RPGRIP1L: variants seen among roughly 807,000 people sequenced by gnomAD.
The protein encoded by RPGRIP1L is protein fantom.
In RPGRIP1L, 131 loss-of-function variants were observed where a neutral mutation model predicts 160.4. That is an observed-to-expected ratio of 0.82 (90% CI 0.71 to 0.94). The LOEUF is 0.94. Ranked by LOEUF, RPGRIP1L falls within the 40% of genes least tolerant of loss-of-function variation. RPGRIP1L has a pLI of 0.00. For missense variants in RPGRIP1L, 1,522 were observed against 1,535.8 expected, an observed-to-expected ratio of 0.99 and a Z score of 0.15; for synonymous variants, 510 against 515.8, an observed-to-expected ratio of 0.99 and a Z score of 0.15.
At chr16:53,602,723 G>A (rs1317570232) in intron 26 of RPGRIP1L, among the ~76,000 whole-genome samples, 7 of 150,690 alleles carry the variant, frequency 4.6e-5, no homozygotes, top group African/African-American at 7.4e-5. Flanking sequence ...GCGGTGAGCC[G>A]AGATCATGCC....
Position 53,610,956 on chromosome 16 carries a change from C to A in RPGRIP1L, c.3701+11G>T. ...GTAAACCATTAGATTATTTGGACTG[C>A]CAAAACATACCTTCTATTAGGCATC... On this transcript the variant is annotated intron_variant, in intron 25 of 26. Coordinates refer to ENST00000647211, the MANE Select transcript of RPGRIP1L (RefSeq NM_015272.5). The A allele has an allele frequency of 6.3e-7, 1 of 1,586,180 alleles. No homozygotes were observed. The highest frequency in any genetic ancestry group is 8.7e-7 in the Non-Finnish European group (1 of 1,154,638).
chr16:53,663,549 T>C (rs1967988117), intron 10 of RPGRIP1L, among the ~76,000 whole-genome samples: 1 of 152,084 alleles, frequency 6.6e-6, no homozygotes. Flanking sequence ...AACAATAATT[T>C]ATTGAGCAAT....
At chr16:53,661,770 C>A (rs563734176) in intron 10 of RPGRIP1L, among the ~76,000 whole-genome samples, 1 of 152,234 alleles carries the variant, frequency 6.6e-6, no homozygotes, top group East Asian at 1.9e-4. Flanking sequence ...ATGTTTCCAG[C>A]CTTTCCTAAC....
intron 16 of RPGRIP1L, among the ~76,000 whole-genome samples, chr16:53,646,411 T>C (rs544358683): frequency 6.6e-6 from 1 of 152,174 alleles, no homozygotes; most frequent in Admixed American, 6.5e-5. Context: ...TTGGCCCTCA[T>C]CCTGAAACTG....
intron 6 of RPGRIP1L, among the ~76,000 whole-genome samples, chr16:53,685,406 G>A (rs902638966): frequency 3.9e-5 from 6 of 152,230 alleles, no homozygotes; most frequent in East Asian, 1.9e-4. Flanking sequence ...ACATGCACAC[G>A]TATGTTCATT....
Position 53,636,441 on chromosome 16 carries a change from G to C in RPGRIP1L, c.3292C>G (p.Gln1098Glu), listed in dbSNP as rs1598287763. The C allele has an allele frequency of 6.2e-7, 1 of 1,606,310 alleles. No homozygotes were observed. Among genetic ancestry groups the C allele is most frequent in the African/African-American group, 1.3e-5 (1 of 74,728 alleles). The change falls in exon 22 of 27, where the codon CAG becomes GAG. Residue 1098 changes from glutamine (Q) to glutamate (E), a missense_variant and splice_region_variant. By Grantham distance (29) the Gln-to-Glu change is conservative. Transcript: ENST00000647211. ...IPGPISKNIK[Q>E]SLALSPGLGC... ...CTAGTTGGCATCAAGTTACTGACCT[G>C]TTTGATATTCTTGGAGATAGGACCT...
intron 15 of RPGRIP1L, among the ~76,000 whole-genome samples, chr16:53,649,595 G>T (rs1320836340): frequency 1.3e-5 from 2 of 152,138 alleles, no homozygotes; most frequent in Non-Finnish European, 2.9e-5. Flanking sequence ...TATCTCACAA[G>T]CATAAGGGAA....
rs986384855 is a variant in RPGRIP1L, at chr16:53,622,316, A to T, written c.3335T>A (p.Ile1112Asn). The change falls in exon 23 of 27, where the codon ATC (isoleucine) becomes AAC (asparagine). Residue 1112 changes from isoleucine to asparagine, a missense_variant. Coordinates refer to ENST00000647211, the MANE Select transcript of RPGRIP1L (RefSeq NM_015272.5). Reference protein sequence around the residue: ...LSPGLGCSSAISAHCNFRLPG... With the variant: ...LSPGLGCSSANSAHCNFRLPG... ...GAGGCGGAAGTTGCAGTGAGCTGAG[A>T]TCGCGCTACTGCACCCCAGCCCGGG... is the stretch of plus-strand genomic sequence containing the variant. The T allele has an allele frequency of 2.0e-5, 13 of 654,472 alleles. No homozygotes were observed. The East Asian group carries it at 3.7e-4, about 19-fold the overall frequency. 40.5% of individuals were successfully genotyped at this position (654,472 alleles called of 1,614,324 possible). A position where few individuals can be genotyped will look rare whatever the true frequency, so the allele number is the denominator to read the frequency against.
chr16:53,667,312 A>G (rs1443981619), intron 9 of RPGRIP1L, among the ~76,000 whole-genome samples: 3 of 152,222 alleles, frequency 2.0e-5, no homozygotes, highest in African/African-American at 7.2e-5. Context: ...CATGATAAAG[A>G]TCTAAATAAA....
intron 14 of RPGRIP1L, among the ~76,000 whole-genome samples, chr16:53,654,376 C>T (rs1967076872): frequency 6.6e-6 from 1 of 152,180 alleles, no homozygotes; most frequent in African/African-American, 2.4e-5. Flanking sequence ...AAATGTACTG[C>T]AATACGTCAT....
At chr16:53,610,223 C>A (rs577861636) in intron 25 of RPGRIP1L, among the ~76,000 whole-genome samples, 1 of 152,074 alleles carries the variant, frequency 6.6e-6, no homozygotes, top group African/African-American at 2.4e-5. Flanking sequence ...TTTTTAAGAT[C>A]AGTTTTTTTT....
intron 17 of RPGRIP1L, among the ~76,000 whole-genome samples, chr16:53,642,414 T>G (rs542307814): frequency 6.6e-6 from 1 of 151,666 alleles, no homozygotes. Flanking sequence ...GTGTTGATAC[T>G]CCTTTTAATG....
In RPGRIP1L at chr16:53,602,390, C is replaced by A. The variant is rs566902670; in HGVS notation, c.3836-202G>T. 2.6e-5 allele frequency among the ~76,000 whole-genome samples: 4 copies of A among 152,270 alleles called. No homozygotes were observed. The East Asian group carries it at 7.7e-4, about 29-fold the overall frequency. On this transcript the variant is annotated intron_variant, in intron 26 of 26. Coordinates refer to ENST00000647211, the MANE Select transcript of RPGRIP1L (RefSeq NM_015272.5). Reference sequence around the variant, plus strand: ...TTGAGACGTACCGCATGGACCTGTACATATTGTTTGTGGAGCTAAAACTAA... The same window carrying A: ...TTGAGACGTACCGCATGGACCTGTAAATATTGTTTGTGGAGCTAAAACTAA...
intron 21 of RPGRIP1L, among the ~76,000 whole-genome samples, chr16:53,637,389 C>A (rs113797199): frequency 6.6e-6 from 1 of 152,074 alleles, no homozygotes; most frequent in Non-Finnish European, 1.5e-5. Flanking sequence ...AAGACCTCTA[C>A]GCTAATGCAA....
chr16:53,609,693 T>C (rs1191319989), intron 25 of RPGRIP1L, among the ~76,000 whole-genome samples: 2 of 152,038 alleles, frequency 1.3e-5, no homozygotes, highest in Non-Finnish European at 1.5e-5. Flanking sequence ...CCATGGCCAG[T>C]GCTGTTTATT....
chr16:53,635,668 G>A (rs1965794778), intron 22 of RPGRIP1L: 1 of 151,800 alleles, frequency 6.6e-6, no homozygotes, highest in Admixed American at 6.6e-5. Context: ...AATGTGTGAA[G>A]GAAGAGTTAA....
intron 13 of RPGRIP1L, 59 bp from the exon 14 acceptor site, chr16:53,656,648 A>AAAGCAACT (rs1287226805): frequency 6.6e-6 from 8 of 1,208,842 alleles, no homozygotes; most frequent in Non-Finnish European, 8.6e-6. Context: ...TTCATTATTC[A>AAAGCAACT]AAGCAACTAT....
rs1033191511 is a variant in RPGRIP1L, at chr16:53,622,336, C to G, written c.3315G>C (p.Gly1105=). ...CTGAGATCGCGCTACTGCACCCCAG[C>G]CCGGGAGACAATGCGAGACTCTGTC... is the stretch of plus-strand genomic sequence containing the variant. ...NIKQSLALSP[G]LGCSSAISAH... is the part of the protein sequence containing the mutation. The change falls in exon 23 of 27, where the codon GGG becomes GGC. Residue 1105 remains glycine, a synonymous_variant. Coordinates refer to ENST00000647211, the MANE Select transcript of RPGRIP1L (RefSeq NM_015272.5). The G allele has an allele frequency of 1.6e-6, 1 of 636,928 alleles. No homozygotes were observed. The allele number at this position is 636,928 out of a possible 1,614,324, so 39.5% of individuals were successfully genotyped here.
At chr16:53,693,374 G>A (rs1006022330) in intron 3 of RPGRIP1L, 2 of 152,076 alleles carry the variant, frequency 1.3e-5, no homozygotes, top group Admixed American at 6.6e-5. Flanking sequence ...TTTACTTAAG[G>A]GAACAAAAGT....
Sources: allele counts gnomAD v4.1 joint callset (sites outside exome capture counted in the v4.1 genomes callset), GRCh38; gene constraint gnomAD v4.1.1; transcripts MANE v1.5; gene names NCBI Gene and HGNC (gene_info 2026-07-23, HGNC 2026-07-21).